CTC1: variants seen among roughly 807,000 people sequenced by gnomAD.
The protein encoded by CTC1 is CST telomere replication complex component 1, also known as CST complex subunit CTC1.
Under a neutral mutation model 136.3 loss-of-function variants are expected in CTC1, and 91 were observed. That is an observed-to-expected ratio of 0.67 (90% confidence interval 0.56 to 0.79). The LOEUF is 0.79. CTC1 is among the 30% of genes least tolerant of loss of function. The pLI is 0.00. For missense variants in CTC1, 1,432 were observed against 1,498.1 expected (o/e 0.96, Z 0.73); for synonymous variants, 606 against 613.8 (o/e 0.99, Z 0.19).
chr17:8,228,520 G>A lies in CTC1; in HGVS notation c.3497C>T (p.Ser1166Leu), dbSNP rs1348240713. ...AACCTTACCTAATGGGACGATCTTC[G>A]ACGGTTTCCTTTCCAGCTCAAAAGA... Reference protein sequence around the residue: ...VLSFELERKPSKIVPLEPPRL... With the variant: ...VLSFELERKPLKIVPLEPPRL... The change falls in exon 22 of 23, where the codon TCG becomes TTG. Residue 1166 changes from serine to leucine, a missense_variant. Transcript: ENST00000651323. The A allele has an allele frequency of 1.1e-5, 18 of 1,613,838 alleles. No homozygotes were observed. Among genetic ancestry groups the A allele is most frequent in the Admixed American group, 1.7e-5 (1 of 59,976 alleles).
chr17:8,235,993 T>C (rs533300549), intron 6 of CTC1, 34 bp from the exon 7 acceptor site: 7 of 1,599,698 alleles, frequency 4.4e-6, no homozygotes, highest in African/African-American at 1.3e-5. Flanking sequence ...TGACCACTAT[T>C]TTCTTCCTCT....
At position 8,229,319 on chromosome 17, in the gene CTC1, T is replaced by C. The variant is rs1348317730; in HGVS notation, c.3139A>G (p.Thr1047Ala). Residue 1047 changes from threonine (T) to alanine (A), a missense_variant, in exon 19 of 23, where the codon ACC becomes GCC. Thr to Ala is a moderately conservative substitution (Grantham distance 58). Transcript: ENST00000651323. ...TCCCTTACCTGCCGGCAGATGCTGG[T>C]ACAATAAGCACACACCCAGAAGAGC... ...LQLFWVCAYC[T>A]SICRQGKCTR... 8 of 1,614,102 alleles carry C rather than the reference T, an allele frequency of 5.0e-6. No homozygotes were observed. Among genetic ancestry groups the C allele is most frequent in the Middle Eastern group, 1.6e-4 (1 of 6,062 alleles).
rs909079702 is a variant in CTC1 at position 8,226,628 on chromosome 17, A to C, written c.*1552T>G. On this transcript the variant is annotated 3_prime_UTR_variant, in exon 23 of 23. Coordinates refer to ENST00000651323, the MANE Select transcript of CTC1 (RefSeq NM_025099.6). ...AATATGACGTAGTCGGCAGGATTCG[A>C]ACCTGCGCGGGGAGACCCCAATGGA... 3 of 151,720 alleles carry C rather than the reference A, an allele frequency of 2.0e-5. No individual in the cohort carries two copies. The highest frequency in any genetic ancestry group is 4.4e-5 in the Non-Finnish European group (3 of 68,038). 9.4% of individuals were successfully genotyped at this position (151,720 alleles called of 1,614,324 possible).
At chr17:8,247,115 T>C (rs529315488) in intron 1 of CTC1, among the ~76,000 whole-genome samples, 1 of 151,484 alleles carries the variant, frequency 6.6e-6, no homozygotes, top group Admixed American at 6.6e-5. Flanking sequence ...CCTGAGCAGC[T>C]GGGATTACCG....
Position 8,236,159 on chromosome 17 carries a change from G to A in CTC1, c.976C>T (p.Leu326Phe). 6.2e-7 allele frequency: 1 copy of A among 1,614,186 alleles called. No homozygotes were observed. Among genetic ancestry groups the A allele is most frequent in the Non-Finnish European group, 8.5e-7 (1 of 1,180,036 alleles). ...AGTGGCTTGGGGTCAGCCTCTAAGA[G>A]GGGTCCTTCCAGCTCCAGTTCCAGC... ...QELELELEGP[L>F]LEADPKPLPM... Residue 326 changes from leucine to phenylalanine, a missense_variant, in exon 6 of 23, where the codon CTC (leucine) becomes TTC (phenylalanine). Transcript: ENST00000651323.
intron 7 of CTC1, 56 bp from the exon 8 acceptor site, chr17:8,235,341 C>T: frequency 7.3e-7 from 1 of 1,374,306 alleles, no homozygotes; most frequent in Non-Finnish European, 1.0e-6. Context: ...ACTCAATGAA[C>T]CCAGGCAGAG....
intron 2 of CTC1, among the ~76,000 whole-genome samples, chr17:8,242,554 ATATAT>A (rs1471845461): frequency 2.1e-3 from 113 of 53,362 alleles, no homozygotes; most frequent in South Asian, 4.2e-3. Context: ...AAAAAAAAAA[ATATAT>A]ATATATATAT....
At chr17:8,232,325 C>G (rs745322503) in intron 12 of CTC1, 36 bp downstream of exon 12, 29 of 1,599,960 alleles carry the variant, frequency 1.8e-5, no homozygotes, top group Non-Finnish European at 2.2e-5. Flanking sequence ...TTCCTTCCCC[C>G]CAGACTCAAG....
At position 8,243,016 on chromosome 17, in the gene CTC1, T is replaced by G. The variant is rs750084687; in HGVS notation, c.166A>C (p.Asn56His). 3 of 1,613,462 alleles carry G rather than the reference T, an allele frequency of 1.9e-6. No individual in the cohort carries two copies. Among genetic ancestry groups the G allele is most frequent in the African/African-American group, 2.7e-5 (2 of 74,998 alleles). The change falls in exon 2 of 23, where the codon AAC becomes CAC. Residue 56 changes from asparagine to histidine, a missense_variant. By Grantham distance (68) the Asn-to-His change is moderately conservative. Coordinates refer to ENST00000651323, the MANE Select transcript of CTC1 (RefSeq NM_025099.6). ...VKTVWLSQGR[N>H]QGSTLPLSYS... ...CTGAGGGGCAGTGTAGAACCTTGGTTCCTTCCCTGGGACAACCAGACAGTC... is the reference window on the plus strand; with the variant it reads ...CTGAGGGGCAGTGTAGAACCTTGGTGCCTTCCCTGGGACAACCAGACAGTC...
chr17:8,237,931 C>T, intron 4 of CTC1, 100 bp downstream of exon 4: 1 of 919,562 alleles, frequency 1.1e-6, no homozygotes, highest in South Asian at 1.6e-5. Flanking sequence ...AACATTCAGT[C>T]TATATTACTA....
At position 8,231,467 on chromosome 17, in the gene CTC1, T is replaced by C. The variant is rs200643329; in HGVS notation, c.2478A>G (p.Thr826=). 8.2e-4 allele frequency: 1,315 copies of C among 1,603,758 alleles called. 5 individuals carry two copies. The highest frequency in any genetic ancestry group is 2.8e-3 in the Middle Eastern group (14 of 5,066). The change falls in exon 15 of 23, where the codon ACA becomes ACG. Residue 826 remains threonine (T), a splice_region_variant and synonymous_variant. Coordinates refer to ENST00000651323, the MANE Select transcript of CTC1 (RefSeq NM_025099.6). ...VYRLIAPGPA[T]PMLFEKDGSS... is the part of the protein sequence containing the mutation. ...AACCATCCTTTTCAAACAACATTGG[T>C]GTCTGCACGGAAATGGGAAGACGAC...
intron 11 of CTC1, chr17:8,232,699 C>T (rs974010820): frequency 4.7e-5 from 34 of 717,222 alleles, no homozygotes; most frequent in East Asian, 2.2e-4. Context: ...TTAGGAGCTA[C>T]GGTGGAGAAA....
chr17:8,244,787 A>T (rs2151550758), intron 1 of CTC1, among the ~76,000 whole-genome samples: 1 of 152,254 alleles, frequency 6.6e-6, no homozygotes, highest in African/African-American at 2.4e-5. Flanking sequence ...TCAGCCTCCC[A>T]AAGTGCCAGG....
Position 8,227,044 on chromosome 17 carries a change from A to C in CTC1, c.*1136T>G, listed in dbSNP as rs1335814090. 6.6e-6 allele frequency: 1 copy of C among 151,484 alleles called. No homozygotes were observed. Among genetic ancestry groups the C allele is most frequent in the Non-Finnish European group, 1.5e-5 (1 of 68,020 alleles). The allele number at this position is 151,484 out of a possible 1,614,324, so 9.4% of individuals were successfully genotyped here. On this transcript the variant is annotated 3_prime_UTR_variant, in exon 23 of 23. Transcript: ENST00000651323. ...CTTGGCGTTATTAGCACCACGCTCT[A>C]ACCAACTGAGCTAACCGGCCACTAA...
At chr17:8,229,101 A>G (rs777533914) in intron 20 of CTC1, 41 bp downstream of exon 20, 6 of 1,600,404 alleles carry the variant, frequency 3.7e-6, no homozygotes, top group South Asian at 2.2e-5. Context: ...AAGTGGTCTC[A>G]TAAGTAAATG....
In CTC1 at chr17:8,227,909, A is replaced by T. The variant is rs1032218826; in HGVS notation, c.*271T>A. The T allele has an allele frequency of 5.5e-6, 2 of 363,356 alleles. No individual in the cohort carries two copies. Among genetic ancestry groups the T allele is most frequent in the Non-Finnish European group, 1.0e-5 (2 of 195,616 alleles). The allele number at this position is 363,356 out of a possible 1,614,324, so 22.5% of individuals were successfully genotyped here. On this transcript the variant is annotated 3_prime_UTR_variant, in exon 23 of 23. Transcript: ENST00000651323. ...CTTTTGTTCCCTCAGCTCCTGCGAC[A>T]AAGTCAGAACCCAGGTGCTCAGGGC...
In CTC1 at chr17:8,227,433, C is replaced by A. The variant is rs1326775427; in HGVS notation, c.*747G>T. 1.3e-5 allele frequency: 2 copies of A among 152,188 alleles called. No homozygotes were observed. Among genetic ancestry groups the A allele is most frequent in the Non-Finnish European group, 2.9e-5 (2 of 68,084 alleles). 9.4% of individuals were successfully genotyped at this position (152,188 alleles called of 1,614,324 possible). On this transcript the variant is annotated 3_prime_UTR_variant, in exon 23 of 23. Transcript: ENST00000651323. ...CCCTTGGGAAACCTACAGGGCTAAC[C>A]GTAGCCTGGGGCCCTATAGCACAGT... is the stretch of plus-strand genomic sequence containing the variant.
intron 3 of CTC1, 33 bp downstream of exon 3, chr17:8,238,359 A>ATCTG: frequency 6.3e-7 from 1 of 1,592,574 alleles, no homozygotes; most frequent in South Asian, 1.1e-5. Context: ...TCTTGTCAGG[A>ATCTG]TCTGAGGCAT....
rs375293707 is a variant in CTC1, at chr17:8,235,252, C to G, written c.1240G>C (p.Gly414Arg). 1.9e-6 allele frequency: 3 copies of G among 1,613,904 alleles called. No individual in the cohort carries two copies. The African/African-American group carries it at 4.0e-5, about 22-fold the overall frequency. Residue 414 changes from glycine (G) to arginine (R), a missense_variant, in exon 8 of 23, where the codon GGG (glycine) becomes CGG (arginine). Gly to Arg is a moderately radical substitution (Grantham distance 125). Coordinates refer to ENST00000651323, the MANE Select transcript of CTC1 (RefSeq NM_025099.6). The stretch of plus-strand genomic sequence containing the variant: ...GCGAGCACTGGCCTTCTTGTCCCCC[C>G]TCCCACTGACTGGAGCAGGTGAACA... ...QDVHLLQSVG[G>R]GTRRPVLAPC... is the part of the protein sequence containing the mutation.
Sources: gnomAD v4.1 joint callset for allele counts (sites outside exome capture counted in the v4.1 genomes callset) on GRCh38, gnomAD v4.1.1 for gene constraint, MANE v1.5 for transcripts, NCBI Gene and HGNC (gene_info 2026-07-23, HGNC 2026-07-21) for gene names.